The following VIPAS39 variants were observed in gnomAD, a reference collection of about 807,000 sequenced individuals.
VIPAS39 encodes the protein VPS33B interacting protein, apical-basolateral polarity regulator, spe-39 homolog, also known as spermatogenesis-defective protein 39 homolog.
In VIPAS39, 63 loss-of-function variants were observed where a neutral mutation model predicts 84.7. The ratio of observed to expected loss-of-function variants is 0.74; its 90% CI spans 0.61 to 0.92. The LOEUF is 0.92. VIPAS39 is among the 40% of genes least tolerant of loss of function. The pLI is 0.00. For synonymous variants in VIPAS39, 192 were observed against 216.5 expected (o/e 0.89, Z 0.99); for missense variants, 499 against 604.5 (o/e 0.83, Z 1.83).
chr14:77,438,697 A>G (rs1480265636), intron 11 of VIPAS39, among the ~76,000 whole-genome samples: 1 of 152,228 alleles, frequency 6.6e-6, no homozygotes, highest in Non-Finnish European at 1.5e-5. Flanking sequence ...GAAAAGTCCA[A>G]GAGCTAAATA....
chr14:77,442,435 C>T (rs2078717334), intron 10 of VIPAS39, 125 bp downstream of exon 10: 2 of 848,844 alleles, frequency 2.4e-6, no homozygotes, highest in African/African-American at 3.3e-5. Context: ...CCTCACACTT[C>T]AATAGCTTGT....
intron 13 of VIPAS39, 99 bp from the exon 14 acceptor site, chr14:77,435,492 C>T (rs932092053): frequency 3.4e-5 from 51 of 1,491,388 alleles, no homozygotes; most frequent in Admixed American, 4.3e-5. Flanking sequence ...GTGTTTCCCA[C>T]CCTAGGAGAG....
Position 77,451,185 on chromosome 14 carries a change from A to C in VIPAS39, c.343+2T>G. 6.2e-7 allele frequency: 1 copy of C among 1,614,206 alleles called. No homozygotes were observed. Among genetic ancestry groups the C allele is most frequent in the Non-Finnish European group, 8.5e-7 (1 of 1,180,042 alleles). ...CCTATCCATTTAAGCATCTCTCTTTACCTCTAAAAAAGCTGCTCAGGGAGT... is the reference window on the plus strand; with the variant it reads ...CCTATCCATTTAAGCATCTCTCTTTCCCTCTAAAAAAGCTGCTCAGGGAGT... On this transcript the variant is annotated splice_donor_variant, in intron 4 of 19. Transcript: ENST00000557658. LOFTEE classifies it high-confidence loss of function.
chr14:77,442,221 A>T (rs2078714127), intron 10 of VIPAS39, among the ~76,000 whole-genome samples: 1 of 152,210 alleles, frequency 6.6e-6, no homozygotes, highest in Non-Finnish European at 1.5e-5. Context: ...CTTCATCTTC[A>T]TAATAACCCT....
Position 77,443,115 on chromosome 14 carries a change from T to C in VIPAS39, c.631+4A>G. 6.2e-7 allele frequency: 1 copy of C among 1,614,222 alleles called. No individual in the cohort carries two copies. Among genetic ancestry groups the C allele is most frequent in the Non-Finnish European group, 8.5e-7 (1 of 1,180,028 alleles). On this transcript the variant is annotated splice_donor_region_variant and intron_variant, in intron 9 of 19. Coordinates refer to ENST00000557658, the MANE Select transcript of VIPAS39 (RefSeq NM_001193315.2). ...ACTGAAGATTTCCTGCAAGCCATTC[T>C]CACCTTTGCTCAGTGTCCTCTTCAG...
chr14:77,455,532 A>G (rs7156671), intron 1 of VIPAS39, among the ~76,000 whole-genome samples: 46,180 of 152,048 alleles, frequency 0.3, 7,544 homozygotes, highest in African/African-American at 0.41. Context: ...CAATGCCAAC[A>G]GGATTAGAAT....
At chr14:77,444,044 A>G (rs1047700502) in intron 8 of VIPAS39, among the ~76,000 whole-genome samples, 2 of 151,418 alleles carry the variant, frequency 1.3e-5, no homozygotes, top group African/African-American at 2.4e-5. Context: ...CTGTCTCCAA[A>G]AAAAAAAAAA....
chr14:77,451,180 T>TC lies in VIPAS39; in HGVS notation c.343+6dup. 3 of 1,614,236 alleles carry TC rather than the reference T, an allele frequency of 1.9e-6. No individual in the cohort carries two copies. Among genetic ancestry groups the TC allele is most frequent in the Non-Finnish European group, 1.7e-6 (2 of 1,180,044 alleles). ...ACTTCCCTATCCATTTAAGCATCTC[T>TC]CTTTACCTCTAAAAAAGCTGCTCAG... On this transcript the variant is annotated splice_region_variant and intron_variant, in intron 4 of 19. Coordinates refer to ENST00000557658, the MANE Select transcript of VIPAS39 (RefSeq NM_001193315.2).
rs558472822 is a variant in VIPAS39 at position 77,437,369 on chromosome 14, T to C, written c.836+439A>G. 2.6e-5 allele frequency among the ~76,000 whole-genome samples: 4 copies of C among 152,318 alleles called. No homozygotes were observed. In the South Asian group the frequency reaches 6.2e-4, roughly 24 times the overall value. ...TTAAATTCTGGATGAAAGCTTGCCC[T>C]GGATCAGTGGTTCTTGGACTTTGGG... On this transcript the variant is annotated intron_variant, in intron 12 of 19. Coordinates refer to ENST00000557658, the MANE Select transcript of VIPAS39 (RefSeq NM_001193315.2).
chr14:77,455,157 ATTTTGCCCTGCAAAAACAAG>A (rs1264929360), intron 1 of VIPAS39, among the ~76,000 whole-genome samples: 1 of 152,182 alleles, frequency 6.6e-6, no homozygotes, highest in Non-Finnish European at 1.5e-5. Context: ...ATAAAATTCA[ATTTTGCCCTGCAAAAACAAG>A]TTTTGCCCTA....
chr14:77,446,602 G>A (rs866800406), intron 7 of VIPAS39, among the ~76,000 whole-genome samples: 11 of 152,108 alleles, frequency 7.2e-5, no homozygotes, highest in Non-Finnish European at 1.5e-4. Context: ...TACTAAAATC[G>A]ATATGGAAGT....
chr14:77,441,179 A>G, intron 10 of VIPAS39, 86 bp from the exon 11 acceptor site: 3 of 1,465,450 alleles, frequency 2.0e-6, no homozygotes, highest in Non-Finnish European at 1.9e-6. Flanking sequence ...CTCCTCTAGG[A>G]GAAACACAAT....
At chr14:77,437,964 TA>T (rs1157259825) in intron 11 of VIPAS39, 83 bp from the exon 12 acceptor site, 3 of 1,399,172 alleles carry the variant, frequency 2.1e-6, no homozygotes, top group Non-Finnish European at 3.0e-6. Context: ...TCCCATGCTT[TA>T]AAAAAACAAA....
At chr14:77,443,890 A>C (rs1423795663) in intron 8 of VIPAS39, among the ~76,000 whole-genome samples, 3 of 151,424 alleles carry the variant, frequency 2.0e-5, no homozygotes, top group East Asian at 3.9e-4. Context: ...AAAAAAAAAA[A>C]ACTAGCCAGG....
chr14:77,440,098 T>C (rs1381494222), intron 11 of VIPAS39, among the ~76,000 whole-genome samples: 1 of 152,124 alleles, frequency 6.6e-6, no homozygotes, highest in Non-Finnish European at 1.5e-5. Context: ...TTGCCCAGGC[T>C]GTTCTCTAAC....
chr14:77,437,858 C>T lies in VIPAS39; in HGVS notation c.786G>A (p.Leu262=). The T allele has an allele frequency of 1.2e-6, 2 of 1,614,076 alleles. No individual in the cohort carries two copies. Among genetic ancestry groups the T allele is most frequent in the Non-Finnish European group, 1.7e-6 (2 of 1,180,022 alleles). The change falls in exon 12 of 20, where the codon TTG becomes TTA. Residue 262 remains leucine (L), a synonymous_variant. Coordinates refer to ENST00000557658, the MANE Select transcript of VIPAS39 (RefSeq NM_001193315.2). ...TTCGTTTGTCAGGGTCCTGAATGTT[C>T]AAATGCTCTCGATAATGAGATAGCT... is the stretch of plus-strand genomic sequence containing the variant. ...ELALSHYREH[L]NIQDPDKRKE...
chr14:77,429,875 G>A (rs1216645744), intron 16 of VIPAS39, 108 bp from the exon 17 acceptor site: 1 of 930,458 alleles, frequency 1.1e-6, no homozygotes, highest in Non-Finnish European at 1.8e-6. Flanking sequence ...GGTGAGTGGG[G>A]GTGCTGAGGG....
At chr14:77,444,880 C>G (rs2078762763) in intron 7 of VIPAS39, among the ~76,000 whole-genome samples, 1 of 152,032 alleles carries the variant, frequency 6.6e-6, no homozygotes, top group Non-Finnish European at 1.5e-5. Context: ...CCGCGCCCAG[C>G]CAATCACTTG....
intron 1 of VIPAS39, 57 bp downstream of exon 1, chr14:77,457,438 T>C (rs2078978848): frequency 6.6e-7 from 1 of 1,526,384 alleles, no homozygotes; most frequent in African/African-American, 1.4e-5. Context: ...AAGATCAAGA[T>C]GCGGAGAGGC....
Sources: gnomAD v4.1 joint callset for allele counts (sites outside exome capture counted in the v4.1 genomes callset) on GRCh38, gnomAD v4.1.1 for gene constraint, MANE v1.5 for transcripts, NCBI Gene and HGNC (gene_info 2026-07-23, HGNC 2026-07-21) for gene names.